MAPK10: variants seen among roughly 807,000 people sequenced by gnomAD.
MAPK10 encodes the protein JNK3 alpha protein kinase.
A neutral mutation model predicts 59.3 loss-of-function variants in MAPK10; 25 were observed. That is an observed-to-expected ratio of 0.42 (90% CI 0.31 to 0.59). The LOEUF (loss-of-function observed/expected upper bound fraction) is 0.59, where lower values mean the gene tolerates loss of function less well. Among genes scored for constraint, MAPK10 ranks in the 20% least tolerant of loss-of-function variants. The pLI is 0.15. For missense variants in MAPK10, 351 were observed against 568.9 expected (o/e 0.62, Z 3.90); for synonymous variants, 190 against 200.5 (o/e 0.95, Z 0.44).
chr4:86,422,852 A>C (rs904655338), intron 1 of MAPK10, among the ~76,000 whole-genome samples: 1 of 152,242 alleles, frequency 6.6e-6, no homozygotes, highest in Admixed American at 6.5e-5. Context: ...CGTAGCAAAC[A>C]GGAATTATAT....
At chr4:86,198,311 T>G (rs2081864258) in intron 2 of MAPK10, among the ~76,000 whole-genome samples, 1 of 152,040 alleles carries the variant, frequency 6.6e-6, no homozygotes, top group African/African-American at 2.4e-5. Flanking sequence ...TCCCTTAGCT[T>G]GAGGTTTCTC....
rs372751871 is a variant in MAPK10 at position 86,113,933 on chromosome 4, C to A, written c.237-6581G>T. Among the ~76,000 whole-genome samples, 5 of 152,196 alleles carry A rather than the reference C, an allele frequency of 3.3e-5. No homozygotes were observed. The East Asian group carries it at 9.6e-4, about 29-fold the overall frequency. On this transcript the variant is annotated intron_variant, in intron 4 of 13. Coordinates refer to ENST00000641462, the MANE Select transcript of MAPK10 (RefSeq NM_138982.4). ...TTCCTTTTCATTCTTTTTTCTCTAA[C>A]CTTGCCTGCCTGTCTTATTTCAGCA...
At chr4:86,400,995 C>A (rs1743633773) in intron 1 of MAPK10, among the ~76,000 whole-genome samples, 2 of 152,062 alleles carry the variant, frequency 1.3e-5, no homozygotes, top group Non-Finnish European at 2.9e-5. Flanking sequence ...GGTCAATTTT[C>A]TCAGTTAATA....
At chr4:86,499,103 T>G (rs1755107342) in intron 1 of MAPK10, among the ~76,000 whole-genome samples, 1 of 152,222 alleles carries the variant, frequency 6.6e-6, no homozygotes, top group East Asian at 1.9e-4. Flanking sequence ...AATGAAATAC[T>G]TCTTTCAAGC....
Position 86,013,654 on chromosome 4 carries a change from T to A in MAPK10, c.*3574A>T, listed in dbSNP as rs1490119822. On this transcript the variant is annotated 3_prime_UTR_variant, in exon 14 of 14. Coordinates refer to ENST00000641462, the MANE Select transcript of MAPK10 (RefSeq NM_138982.4). ...GTTTTACATATTTTTATCTATTTTT[T>A]ACTAGTTCCATTTACTAAGGCCAAC... 1 of 152,250 alleles carries A rather than the reference T, an allele frequency of 6.6e-6. No individual in the cohort carries two copies. Among genetic ancestry groups the A allele is most frequent in the East Asian group, 1.9e-4 (1 of 5,206 alleles). The allele number at this position is 152,250 out of a possible 1,614,324, so 9.4% of individuals were successfully genotyped here. A position where few individuals can be genotyped will look rare whatever the true frequency, so the allele number is the denominator to read the frequency against.
intron 1 of MAPK10, among the ~76,000 whole-genome samples, chr4:86,547,795 T>G (rs1366078532): frequency 6.6e-6 from 1 of 152,196 alleles, no homozygotes; most frequent in African/African-American, 2.4e-5. Context: ...GCTCAAGGTT[T>G]GTAAACACAC....
chr4:86,507,059 A>T (rs1341062680), intron 1 of MAPK10, among the ~76,000 whole-genome samples: 1 of 152,174 alleles, frequency 6.6e-6, no homozygotes, highest in Non-Finnish European at 1.5e-5. Context: ...TTCCAGGCAA[A>T]GTTTTTAGAA....
At chr4:86,300,884 T>TA (rs973311394) in intron 2 of MAPK10, 3 of 135,198 alleles carry the variant, frequency 2.2e-5, no homozygotes, top group Non-Finnish European at 4.8e-5. Flanking sequence ...ATCAAATTGT[T>TA]AAAGTATTAA....
intron 1 of MAPK10, among the ~76,000 whole-genome samples, chr4:86,591,466 T>C (rs932519600): frequency 1.3e-5 from 2 of 152,090 alleles, no homozygotes; most frequent in Non-Finnish European, 2.9e-5. Context: ...CTCGACATCC[T>C]GGCCTCAAGC....
chr4:86,548,727 G>A (rs770098823), intron 1 of MAPK10, among the ~76,000 whole-genome samples: 21 of 152,178 alleles, frequency 1.4e-4, no homozygotes, highest in Non-Finnish European at 2.4e-4. Context: ...ATAGCAGTGT[G>A]AGAACAGACT....
intron 11 of MAPK10, among the ~76,000 whole-genome samples, chr4:86,048,017 AAGTTC>A: frequency 6.6e-6 from 1 of 152,186 alleles, no homozygotes; most frequent in Admixed American, 6.6e-5. Context: ...TTTAGAAAGT[AAGTTC>A]AGTTAAGAGT....
intron 1 of MAPK10, among the ~76,000 whole-genome samples, chr4:86,507,638 A>ATG (rs1755865679): frequency 1.3e-5 from 1 of 76,078 alleles, no homozygotes; most frequent in Non-Finnish European, 2.7e-5. Flanking sequence ...ATATATATAT[A>ATG]TATATATATA....
At chr4:86,255,799 T>G (rs1352485324) in intron 2 of MAPK10, among the ~76,000 whole-genome samples, 2 of 152,214 alleles carry the variant, frequency 1.3e-5, no homozygotes, top group African/African-American at 4.8e-5. Flanking sequence ...TACCTTGCTA[T>G]TTAGTAATGT....
chr4:86,126,390 T>A (rs2060087150), intron 4 of MAPK10, among the ~76,000 whole-genome samples: 1 of 152,108 alleles, frequency 6.6e-6, no homozygotes, highest in African/African-American at 2.4e-5. Flanking sequence ...TATCACATTT[T>A]TATCTATCCT....
At chr4:86,097,402 T>C (rs1195173641) in intron 9 of MAPK10, among the ~76,000 whole-genome samples, 2 of 151,960 alleles carry the variant, frequency 1.3e-5, no homozygotes. Context: ...TTTGTTTTTG[T>C]TTTTTACTAT....
chr4:86,128,754 T>C lies in MAPK10; in HGVS notation c.237-21402A>G, dbSNP rs201654344. Among the ~76,000 whole-genome samples the C allele has an allele frequency of 2.0e-5, 3 of 152,204 alleles. No individual in the cohort carries two copies. In the East Asian group the frequency reaches 5.8e-4, roughly 29 times the overall value. The stretch of plus-strand genomic sequence containing the variant: ...TAAGAAGTAAATTTTTTATTATAAA[T>C]ATATAGGAGCACAACACATATTGGA... On this transcript the variant is annotated intron_variant, in intron 4 of 13. Transcript: ENST00000641462.
chr4:86,067,718 C>A, intron 10 of MAPK10, 55 bp downstream of exon 10: 1 of 1,453,378 alleles, frequency 6.9e-7, no homozygotes, highest in Non-Finnish European at 9.4e-7. Context: ...ATACTGTGTG[C>A]TTGTTTGGCC....
chr4:86,186,875 G>T (rs2078360060), intron 3 of MAPK10, among the ~76,000 whole-genome samples: 1 of 152,118 alleles, frequency 6.6e-6, no homozygotes, highest in Admixed American at 6.6e-5. Flanking sequence ...TGAATACAAA[G>T]AAGTCAACTC....
intron 1 of MAPK10, among the ~76,000 whole-genome samples, chr4:86,447,313 C>T (rs1043086738): frequency 1.3e-5 from 2 of 152,080 alleles, no homozygotes; most frequent in African/African-American, 2.4e-5. Flanking sequence ...TCTTGCTTCC[C>T]CTTCACCTTC....
Sources: allele counts gnomAD v4.1 joint callset (sites outside exome capture counted in the v4.1 genomes callset), GRCh38; gene constraint gnomAD v4.1.1; transcripts MANE v1.5; gene names NCBI Gene and HGNC (gene_info 2026-07-23, HGNC 2026-07-21).